The following DLGAP2 variants were observed in gnomAD, a reference collection of about 807,000 sequenced individuals.
DLGAP2 encodes DLG associated protein 2, also known as disks large-associated protein 2.
In DLGAP2, 26 loss-of-function variants were observed where a neutral mutation model predicts 100.3. The observed-to-expected ratio is 0.26, with a 90% CI of 0.19 to 0.36. The LOEUF is 0.36. DLGAP2 is among the 10% of genes least tolerant of loss of function. The pLI, the probability that DLGAP2 is intolerant of heterozygous loss-of-function variation, is 1.00. For missense variants in DLGAP2, 1,858 were observed against 1,453.2 expected, an observed-to-expected ratio of 1.28 and a Z score of -4.53; for synonymous variants, 886 against 630.1, an observed-to-expected ratio of 1.41 and a Z score of -6.08.
At position 1,084,858 on chromosome 8, in the gene DLGAP2, A is replaced by C. The variant is rs1481049476; in HGVS notation, c.74-173993A>C. Among the ~76,000 whole-genome samples, 4 of 152,194 alleles carry C rather than the reference A, an allele frequency of 2.6e-5. No individual in the cohort carries two copies. In the South Asian group the frequency reaches 8.3e-4, roughly 32 times the overall value. On this transcript the variant is annotated intron_variant, in intron 2 of 14. Coordinates refer to ENST00000637795, the MANE Select transcript of DLGAP2 (RefSeq NM_001346810.2). Reference sequence around the variant, plus strand: ...ACCATGGGAGTGCAGGCATCTCCACATGCTGATTTCAGATCTGTTTCTGAG... The same window carrying C: ...ACCATGGGAGTGCAGGCATCTCCACCTGCTGATTTCAGATCTGTTTCTGAG...
intron 2 of DLGAP2, among the ~76,000 whole-genome samples, chr8:1,224,477 A>T (rs555840617): frequency 6.6e-6 from 1 of 152,204 alleles, no homozygotes; most frequent in Non-Finnish European, 1.5e-5. Context: ...TGTTTATTTC[A>T]TCTCAAAACT....
chr8:1,197,140 C>A (rs1429610807), intron 2 of DLGAP2, among the ~76,000 whole-genome samples: 1 of 152,236 alleles, frequency 6.6e-6, no homozygotes, highest in South Asian at 2.1e-4. Context: ...ACCCGCATTG[C>A]AGAGTCCAGT....
chr8:770,964 A>T (rs1423832234), intron 1 of DLGAP2, among the ~76,000 whole-genome samples: 5 of 151,938 alleles, frequency 3.3e-5, no homozygotes. Context: ...CTTAGTGTAA[A>T]CAGGGGTCTT....
intron 9 of DLGAP2, among the ~76,000 whole-genome samples, chr8:1,669,370 A>T (rs1490807700): frequency 6.6e-6 from 1 of 152,196 alleles, no homozygotes; most frequent in Non-Finnish European, 1.5e-5. Flanking sequence ...TCCCTCTGCA[A>T]GTCTGTTTTA....
intron 2 of DLGAP2, among the ~76,000 whole-genome samples, chr8:1,218,835 C>A (rs1401944503): frequency 3.9e-5 from 6 of 152,070 alleles, no homozygotes; most frequent in South Asian, 4.1e-4. Context: ...TTGTAGAGAT[C>A]TTTCACCACC....
chr8:1,465,280 C>A (rs746233486), intron 3 of DLGAP2, among the ~76,000 whole-genome samples: 2 of 152,110 alleles, frequency 1.3e-5, no homozygotes. Flanking sequence ...CTGGGAAGCA[C>A]CCATGTTTGG....
At chr8:1,124,650 G>A (rs1387405563) in intron 2 of DLGAP2, among the ~76,000 whole-genome samples, 1 of 152,210 alleles carries the variant, frequency 6.6e-6, no homozygotes, top group Non-Finnish European at 1.5e-5. Context: ...CAGGAAACCT[G>A]CATTTTAGCT....
At chr8:1,461,276 G>T (rs1246041020) in intron 3 of DLGAP2, among the ~76,000 whole-genome samples, 11 of 80,234 alleles carry the variant, frequency 1.4e-4, no homozygotes, top group African/African-American at 5.0e-4. Context: ...ACAGGACTGG[G>T]TGCAGTCGCT....
intron 7 of DLGAP2, among the ~76,000 whole-genome samples, chr8:1,631,972 T>C (rs1797657440): frequency 6.6e-6 from 1 of 152,208 alleles, no homozygotes; most frequent in South Asian, 2.1e-4. Context: ...ACAATGTATC[T>C]GCCAACATAA....
intron 2 of DLGAP2, among the ~76,000 whole-genome samples, chr8:936,341 G>C (rs1042027960): frequency 6.6e-6 from 1 of 152,184 alleles, no homozygotes; most frequent in Non-Finnish European, 1.5e-5. Context: ...TGCAGGAACC[G>C]ACCAATGTGT....
chr8:1,005,559 C>T (rs1392295878), intron 2 of DLGAP2, among the ~76,000 whole-genome samples: 1 of 150,614 alleles, frequency 6.6e-6, no homozygotes, highest in Non-Finnish European at 1.5e-5. Flanking sequence ...CAGGTGTGTG[C>T]CACCATGCCC....
At chr8:1,029,935 G>A (rs1006490246) in intron 2 of DLGAP2, among the ~76,000 whole-genome samples, 2 of 152,166 alleles carry the variant, frequency 1.3e-5, no homozygotes, top group Non-Finnish European at 2.9e-5. Flanking sequence ...AGGAGGGTGT[G>A]GTTGGTGCAG....
intron 2 of DLGAP2, among the ~76,000 whole-genome samples, chr8:1,199,144 C>T (rs1797816292): frequency 6.6e-6 from 1 of 152,194 alleles, no homozygotes; most frequent in Admixed American, 6.5e-5. Context: ...ACAACCGCAG[C>T]AACAGTCGTC....
At chr8:1,335,007 T>G (rs1262301285) in intron 3 of DLGAP2, among the ~76,000 whole-genome samples, 1 of 152,146 alleles carries the variant, frequency 6.6e-6, no homozygotes, top group Non-Finnish European at 1.5e-5. Flanking sequence ...CACAGAAATC[T>G]TATAAGCATC....
chr8:1,594,724 A>G (rs910842818), intron 6 of DLGAP2, among the ~76,000 whole-genome samples: 1 of 152,136 alleles, frequency 6.6e-6, no homozygotes, highest in East Asian at 1.9e-4. Flanking sequence ...GCGCCCGGCC[A>G]GGTCACACTC....
intron 6 of DLGAP2, among the ~76,000 whole-genome samples, chr8:1,600,980 G>C (rs1165676106): frequency 1.3e-5 from 2 of 152,208 alleles, no homozygotes; most frequent in East Asian, 3.9e-4. Context: ...CAACCTTGTT[G>C]TGCTGGTTTT....
rs1047546696 is a variant in DLGAP2, at chr8:1,434,814, A to G, written c.107-66552A>G. ...GAGAAACAGAAAATGCTCCGTGAACATGAGTAACATGCATTATCGTTCCTT... is the reference window on the plus strand; with the variant it reads ...GAGAAACAGAAAATGCTCCGTGAACGTGAGTAACATGCATTATCGTTCCTT... On this transcript the variant is annotated intron_variant, in intron 3 of 14. Coordinates refer to ENST00000637795, the MANE Select transcript of DLGAP2 (RefSeq NM_001346810.2). Among the ~76,000 whole-genome samples, 6 of 152,282 alleles carry G rather than the reference A, an allele frequency of 3.9e-5. No homozygotes were observed. In the South Asian group the frequency reaches 6.2e-4, roughly 16 times the overall value.
At chr8:811,144 C>G (rs1033331593) in intron 1 of DLGAP2, among the ~76,000 whole-genome samples, 51 of 152,244 alleles carry the variant, frequency 3.3e-4, no homozygotes, top group Non-Finnish European at 4.0e-4. Context: ...GTGAAGCTCA[C>G]TCCATTATCC....
chr8:1,043,266 ATGTGGGTGGTGGACGTGGGTG>A (rs1802420291), intron 2 of DLGAP2, among the ~76,000 whole-genome samples: 1 of 34,330 alleles, frequency 2.9e-5, no homozygotes, highest in Non-Finnish European at 5.4e-5. Flanking sequence ...TGGGTGGTGG[ATGTGGGTGGTGGACGTGGGTG>A]GTGGGTGTGG....
Sources: gnomAD v4.1 joint callset for allele counts (sites outside exome capture counted in the v4.1 genomes callset) on GRCh38, gnomAD v4.1.1 for gene constraint, MANE v1.5 for transcripts, NCBI Gene and HGNC (gene_info 2026-07-23, HGNC 2026-07-21) for gene names.